Variants in CBR4 observed in about 807,000 individuals in gnomAD.
CBR4 encodes carbonyl reductase 4.
In CBR4, 22 loss-of-function variants were observed where a neutral mutation model predicts 21.0. That is an observed-to-expected ratio of 1.05 (90% CI 0.75 to 1.50). The LOEUF is 1.50. Ranked by LOEUF, CBR4 falls within the 40% of genes most tolerant of loss-of-function variation. The pLI is 0.00. For missense variants in CBR4, 302 were observed against 286.3 expected (o/e 1.05, Z -0.40); for synonymous variants, 100 against 104.4 (o/e 0.96, Z 0.26).
At chr4:168,923,842 A>T (rs904103251) in intron 2 of CBR4, among the ~76,000 whole-genome samples, 1 of 152,218 alleles carries the variant, frequency 6.6e-6, no homozygotes, top group Non-Finnish European at 1.5e-5. Context: ...GAGGGAATCT[A>T]AGTGGTCAAA....
At chr4:168,946,346 A>C (rs1763396326) in intron 2 of CBR4, among the ~76,000 whole-genome samples, 1 of 152,234 alleles carries the variant, frequency 6.6e-6, no homozygotes. Flanking sequence ...AGTATGGTCC[A>C]GGAACTCCAA....
At chr4:168,970,462 A>AT (rs557340843) in intron 2 of CBR4, among the ~76,000 whole-genome samples, 290 of 151,998 alleles carry the variant, frequency 1.9e-3, no homozygotes, top group Non-Finnish European at 3.3e-3. Context: ...ACAAAAGAAC[A>AT]TTTTTTTTGA....
intron 3 of CBR4, among the ~76,000 whole-genome samples, chr4:169,005,701 T>C (rs1337480875): frequency 6.6e-6 from 1 of 152,208 alleles, no homozygotes; most frequent in Non-Finnish European, 1.5e-5. Flanking sequence ...GTTGACTCAT[T>C]GACTAATCTC....
chr4:168,897,079 C>T (rs1044274567), intron 2 of CBR4, among the ~76,000 whole-genome samples: 1 of 152,196 alleles, frequency 6.6e-6, no homozygotes, highest in East Asian at 1.9e-4. Context: ...GATCCACCCG[C>T]CTTGGCTTCC....
intron 4 of CBR4, among the ~76,000 whole-genome samples, chr4:168,994,139 T>C (rs905580163): frequency 6.6e-6 from 1 of 152,216 alleles, no homozygotes; most frequent in Non-Finnish European, 1.5e-5. Flanking sequence ...AGCAAGCCAG[T>C]GATAAGCATT....
At chr4:168,992,477 G>A (rs1334239683) in intron 4 of CBR4, among the ~76,000 whole-genome samples, 2 of 151,990 alleles carry the variant, frequency 1.3e-5, no homozygotes, top group South Asian at 2.1e-4. Context: ...AACTGCATCT[G>A]CACCTGCATT....
rs1231680619 is a variant in CBR4, at chr4:169,009,985, G to T, written c.105C>A (p.Asn35Lys). 1 of 1,613,334 alleles carries T rather than the reference G, an allele frequency of 6.2e-7. No individual in the cohort carries two copies. Among genetic ancestry groups the T allele is most frequent in the East Asian group, 2.2e-5 (1 of 44,854 alleles). Residue 35 changes from asparagine (N) to lysine (K), a missense_variant, in exon 1 of 5, where the codon AAC becomes AAA. By Grantham distance (94) the Asn-to-Lys change is moderately conservative. Coordinates refer to ENST00000306193, the MANE Select transcript of CBR4 (RefSeq NM_032783.5). Reference protein sequence around the residue: ...KGYRLAVIARNLEGAKAAAGD... With the variant: ...KGYRLAVIARKLEGAKAAAGD... Reference sequence around the variant, plus strand: ...CGGCGGCGGCTTTGGCCCCTTCCAGGTTTCTGGCAATGACCGCCAGTCGGT... The same window carrying T: ...CGGCGGCGGCTTTGGCCCCTTCCAGTTTTCTGGCAATGACCGCCAGTCGGT...
At chr4:169,009,363 A>C (rs769351181) in intron 1 of CBR4, among the ~76,000 whole-genome samples, 1 of 152,244 alleles carries the variant, frequency 6.6e-6, no homozygotes, top group Admixed American at 6.5e-5. Context: ...AAACTCACCA[A>C]AACAATTTAA....
chr4:168,945,990 A>G (rs1763386404), intron 2 of CBR4, among the ~76,000 whole-genome samples: 1 of 152,180 alleles, frequency 6.6e-6, no homozygotes, highest in African/African-American at 2.4e-5. Context: ...CTAAAAGACA[A>G]TAAAATTAGT....
intron 2 of CBR4, among the ~76,000 whole-genome samples, chr4:168,961,689 C>G (rs4692554): frequency 6.6e-6 from 1 of 152,020 alleles, no homozygotes; most frequent in African/African-American, 2.4e-5. Context: ...CAGGAGTTCG[C>G]GACCAGCCAG....
intron 4 of CBR4, chr4:169,001,655 T>A (rs1311287644): frequency 6.6e-6 from 1 of 152,558 alleles, no homozygotes; most frequent in African/African-American, 2.4e-5. Context: ...CAGAGCTGGT[T>A]GTTTAGAGCC....
At chr4:168,901,401 T>A (rs1194129483) in intron 2 of CBR4, among the ~76,000 whole-genome samples, 1 of 152,212 alleles carries the variant, frequency 6.6e-6, no homozygotes. Context: ...GTACGCTTGG[T>A]AAAATTTTGG....
At chr4:169,008,957 G>A (rs556959811) in intron 1 of CBR4, 6 of 454,258 alleles carry the variant, frequency 1.3e-5, no homozygotes, top group South Asian at 7.8e-5. Context: ...CACACCTGGC[G>A]TCTATAGTCC....
At chr4:168,903,728 T>C in intron 2 of CBR4, 2 of 1,589,472 alleles carry the variant, frequency 1.3e-6, no homozygotes, top group Non-Finnish European at 1.7e-6. Flanking sequence ...CACAAACTCC[T>C]AATCTTTAAT....
chr4:168,916,383 C>T (rs1582155324), intron 2 of CBR4, among the ~76,000 whole-genome samples: 1 of 152,112 alleles, frequency 6.6e-6, no homozygotes, highest in South Asian at 2.1e-4. Flanking sequence ...GAATTCCAGC[C>T]TGGGTGACAG....
chr4:168,938,977 G>A (rs1279642028), intron 2 of CBR4, among the ~76,000 whole-genome samples: 1 of 152,034 alleles, frequency 6.6e-6, no homozygotes. Flanking sequence ...ACCAAAACCT[G>A]GCAGAGACAA....
chr4:169,009,800 T>G lies in CBR4; in HGVS notation c.142+148A>C, dbSNP rs564566007. On this transcript the variant is annotated intron_variant, in intron 1 of 4. Coordinates refer to ENST00000306193, the MANE Select transcript of CBR4 (RefSeq NM_032783.5). ...GCGGGTTTCTGCACGAGACGCATTC[T>G]ACCCTTGGAACGGGAGAGCGCCTGC... 1,248 of 721,338 alleles carry G rather than the reference T, an allele frequency of 1.7e-3. 3 individuals carry two copies. The highest frequency in any genetic ancestry group is 2.4e-3 in the Non-Finnish European group (1,109 of 456,866). 44.7% of individuals were successfully genotyped at this position (721,338 alleles called of 1,614,324 possible).
At chr4:168,916,936 T>C (rs1328243201) in intron 2 of CBR4, among the ~76,000 whole-genome samples, 1 of 152,006 alleles carries the variant, frequency 6.6e-6, no homozygotes, top group African/African-American at 2.4e-5. Flanking sequence ...CCCAAAGTGC[T>C]GGGATTACAG....
At chr4:169,002,782 C>G (rs929191598) in intron 3 of CBR4, among the ~76,000 whole-genome samples, 2 of 149,934 alleles carry the variant, frequency 1.3e-5, no homozygotes, top group Non-Finnish European at 1.5e-5. Context: ...CTTGTAGCAA[C>G]CTTGCAACAA....
Sources: gnomAD v4.1 joint callset for allele counts (sites outside exome capture counted in the v4.1 genomes callset) on GRCh38, gnomAD v4.1.1 for gene constraint, MANE v1.5 for transcripts, NCBI Gene and HGNC (gene_info 2026-07-23, HGNC 2026-07-21) for gene names.